The following TEP1 variants were observed in gnomAD, a reference collection of about 807,000 sequenced individuals.
TEP1 encodes the protein telomerase associated protein 1.
TEP1 carries 241 observed loss-of-function variants against 306.3 expected under a neutral mutation model. That is an observed-to-expected ratio of 0.79 (90% CI 0.71 to 0.88). The LOEUF (loss-of-function observed/expected upper bound fraction) is 0.88. TEP1 is among the 40% of genes least tolerant of loss of function. The pLI is 0.00. For synonymous variants in TEP1, 1,289 were observed against 1,305.5 expected (o/e 0.99, Z 0.27); for missense variants, 3,051 against 3,276.1 (o/e 0.93, Z 1.68).
chr14:20,372,615 A>C lies in TEP1; in HGVS notation c.7076+118T>G. On this transcript the variant is annotated intron_variant, in intron 49 of 54. Transcript: ENST00000262715. The stretch of plus-strand genomic sequence containing the variant: ...GGACAGAAGCAGAAAATAATGTCCC[A>C]CTCAGTAACTAACATCCAATTGACC... 4 of 1,454,738 alleles carry C rather than the reference A, an allele frequency of 2.7e-6. No homozygotes were observed. The South Asian group carries it at 4.9e-5, about 18-fold the overall frequency. 90.1% of individuals were successfully genotyped at this position (1,454,738 alleles called of 1,614,324 possible).
Position 20,399,720 on chromosome 14 carries a change from A to G in TEP1, c.1549+1264T>C, listed in dbSNP as rs538703678. 1.6e-4 allele frequency among the ~76,000 whole-genome samples: 24 copies of G among 151,976 alleles called. 2 individuals carry two copies. Among genetic ancestry groups the G allele is most frequent in the African/African-American group, 5.8e-4 (24 of 41,456 alleles). On this transcript the variant is annotated intron_variant, in intron 9 of 54. Transcript: ENST00000262715. Reference sequence around the variant, plus strand: ...TTTTTGTAGTATATGATTAAAAAAAAGAAACACTAGCCACCACGGGATTAG... The same window carrying G: ...TTTTTGTAGTATATGATTAAAAAAAGGAAACACTAGCCACCACGGGATTAG...
At chr14:20,372,142 C>G (rs983087412) in intron 49 of TEP1, among the ~76,000 whole-genome samples, 1 of 152,176 alleles carries the variant, frequency 6.6e-6, no homozygotes, top group Admixed American at 6.5e-5. Context: ...CTATTCAATT[C>G]CATTTCCCTT....
chr14:20,368,572 C>T lies in TEP1; in HGVS notation c.7762-13G>A. ...GGAACAGGCCCAGCTACGATGGGAA[C>T]AAAAATAGGGGAGGTCAGGGCTACA... On this transcript the variant is annotated splice_polypyrimidine_tract_variant and intron_variant, in intron 54 of 54. Coordinates refer to ENST00000262715, the MANE Select transcript of TEP1 (RefSeq NM_007110.5). 6.2e-7 allele frequency: 1 copy of T among 1,613,616 alleles called. No homozygotes were observed. Among genetic ancestry groups the T allele is most frequent in the Non-Finnish European group, 8.5e-7 (1 of 1,179,786 alleles).
At position 20,408,047 on chromosome 14, in the gene TEP1, T is replaced by C. The variant is rs138145344; in HGVS notation, c.393A>G (p.Leu131=). 4 of 1,614,108 alleles carry C rather than the reference T, an allele frequency of 2.5e-6. No individual in the cohort carries two copies. The highest frequency in any genetic ancestry group is 3.4e-6 in the Non-Finnish European group (4 of 1,180,024). The part of the protein sequence containing the change: ...TVSASPLFQS[L]QISHMTQADL... Reference sequence around the variant, plus strand: ...CAGCTTGCGTCATGTGAGATATCTGTAGACTCTGGAACAAGGGGCTGGCAG... The same window carrying C: ...CAGCTTGCGTCATGTGAGATATCTGCAGACTCTGGAACAAGGGGCTGGCAG... The change falls in exon 2 of 55, where the codon CTA becomes CTG. Residue 131 remains leucine (L), a synonymous_variant. Transcript: ENST00000262715.
chr14:20,404,398 T>C (rs1043947316), intron 5 of TEP1, among the ~76,000 whole-genome samples: 1 of 150,958 alleles, frequency 6.6e-6, no homozygotes, highest in Non-Finnish European at 1.5e-5. Context: ...ATAAGACCAT[T>C]TTTTTTTCTC....
chr14:20,378,111 A>C lies in TEP1; in HGVS notation c.5634T>G (p.Ala1878=). 1 of 1,613,878 alleles carries C rather than the reference A, an allele frequency of 6.2e-7. No individual in the cohort carries two copies. The highest frequency in any genetic ancestry group is 8.5e-7 in the Non-Finnish European group (1 of 1,180,006). The change falls in exon 39 of 55, where the codon GCT becomes GCG. Residue 1878 remains alanine (A), a synonymous_variant. Transcript: ENST00000262715. ...LWAWREGARL[A]AFPAHHGFVA... is the part of the protein sequence containing the mutation. ...CAAAGCCATGGTGGGCAGGGAAGGCAGCCAGCCGTGCCCCTTCTCGCCAGG... is the reference window on the plus strand; with the variant it reads ...CAAAGCCATGGTGGGCAGGGAAGGCCGCCAGCCGTGCCCCTTCTCGCCAGG...
intron 12 of TEP1, 41 bp from the exon 13 acceptor site, chr14:20,391,808 T>TA (rs747119691): frequency 1.2e-6 from 2 of 1,602,626 alleles, no homozygotes; most frequent in South Asian, 2.2e-5. Context: ...CTCAGGGACT[T>TA]ATCTGCCCCT....
chr14:20,387,818 T>G, intron 18 of TEP1, 87 bp downstream of exon 18: 7 of 1,486,580 alleles, frequency 4.7e-6, no homozygotes, highest in Non-Finnish European at 5.4e-6. Flanking sequence ...AAGCGGCACC[T>G]CACCAGCTAG....
intron 1 of TEP1, among the ~76,000 whole-genome samples, chr14:20,412,454 G>A (rs895065455): frequency 1.1e-4 from 17 of 152,190 alleles, no homozygotes; most frequent in South Asian, 2.1e-4. Context: ...TTAAAGTTCC[G>A]TCCCCACTTC....
rs980291394 is a variant in TEP1, at chr14:20,387,995, A to G, written c.2594T>C (p.Ile865Thr). The change falls in exon 18 of 55, where the codon ATT becomes ACT. Residue 865 changes from isoleucine to threonine, a missense_variant. Around this residue, in one of 3 missense-constraint regions of TEP1, gnomAD observed 1,507 missense variants for 1,550.5 expected, o/e 0.97. Coordinates refer to ENST00000262715, the MANE Select transcript of TEP1 (RefSeq NM_007110.5). ...CCCTGTCTTTCCTGGGGGTGGTGGA[A>G]TCTTGAATATTTTGTCCATTTGGCC... ...HVGQMDKIFK[I>T]PPPPGKTGVQ... 1.9e-6 allele frequency: 3 copies of G among 1,614,004 alleles called. No homozygotes were observed. The African/African-American group carries it at 4.0e-5, about 22-fold the overall frequency.
At position 20,378,121 on chromosome 14, in the gene TEP1, G is replaced by GC; in HGVS notation, c.5623dup (p.Ala1875GlyfsTer66). 2 of 1,613,830 alleles carry GC rather than the reference G, an allele frequency of 1.2e-6. No homozygotes were observed. The highest frequency in any genetic ancestry group is 1.7e-6 in the Non-Finnish European group (2 of 1,180,032). ...GTGGGCAGGGAAGGCAGCCAGCCGTGCCCCTTCTCGCCAGGCCCACAGCTC... is the reference window on the plus strand; with the variant it reads ...GTGGGCAGGGAAGGCAGCCAGCCGTGCCCCCTTCTCGCCAGGCCCACAGCTC... On this transcript the variant is annotated frameshift_variant, in exon 39 of 55. Transcript: ENST00000262715. LOFTEE classifies it high-confidence loss of function.
At chr14:20,389,789 C>G (rs1231227394) in intron 15 of TEP1, 49 bp from the exon 16 acceptor site, 2 of 1,607,240 alleles carry the variant, frequency 1.2e-6, no homozygotes, top group African/African-American at 2.7e-5. Context: ...GCTAGACAGC[C>G]CAGGACATTA....
chr14:20,405,417 T>G (rs749915862), intron 4 of TEP1, 34 bp downstream of exon 4: 1 of 1,594,210 alleles, frequency 6.3e-7, no homozygotes, highest in Non-Finnish European at 8.6e-7. Context: ...TCTACCAGCT[T>G]CACACCCCCA....
At chr14:20,400,892 T>A in intron 9 of TEP1, 92 bp downstream of exon 9, 1 of 1,497,966 alleles carries the variant, frequency 6.7e-7, no homozygotes, top group Non-Finnish European at 9.1e-7. Context: ...AATAACTTCA[T>A]CATTCCACAG....
At chr14:20,371,687 C>A in intron 49 of TEP1, 55 bp from the exon 50 acceptor site, 1 of 1,507,148 alleles carries the variant, frequency 6.6e-7, no homozygotes. Context: ...TAACCTTTCT[C>A]AGGCTCCTCA....
rs761271913 is a variant in TEP1 at position 20,383,911 on chromosome 14, A to G, written c.3542T>C (p.Leu1181Pro). 13 of 1,599,370 alleles carry G rather than the reference A, an allele frequency of 8.1e-6. No individual in the cohort carries two copies. The highest frequency in any genetic ancestry group is 4.0e-5 in the African/African-American group (3 of 74,772). The change falls in exon 25 of 55, where the codon CTT becomes CCT. Residue 1181 changes from leucine to proline, a missense_variant. Transcript: ENST00000262715. ...ATCAGGAGCCTGCAGGGCTGACACA[A>G]GAGATGCCTGCATGGGACAGGAACA... is the stretch of plus-strand genomic sequence containing the variant. ...GQGKTAFLAS[L>P]VSALQAPDGA... is the part of the protein sequence containing the mutation.
intron 4 of TEP1, among the ~76,000 whole-genome samples, chr14:20,405,127 C>T (rs113754762): frequency 0.022 from 3,379 of 152,292 alleles, 44 homozygotes; most frequent in Non-Finnish European, 0.033. Context: ...TATTTCCCAC[C>T]GCGCTCTTCT....
chr14:20,400,137 CAAAAAAAAAAAAAA>C lies in TEP1; in HGVS notation c.1549+833_1549+846del, dbSNP rs58121179. Among the ~76,000 whole-genome samples the C allele has an allele frequency of 3.7e-5, 3 of 80,490 alleles. 1 individual carries two copies. The highest frequency in any genetic ancestry group is 1.2e-4 in the African/African-American group (3 of 24,882). 52.8% of individuals were successfully genotyped at this position (80,490 alleles called of 152,430 possible). ...GGGCAAAAAGAGCAAAACTCCGTCT[CAAAAAAAAAAAAAA>C]AAAAAAAAAAAGAATTATCTACATA... is the stretch of plus-strand genomic sequence containing the variant. On this transcript the variant is annotated intron_variant, in intron 9 of 54. Transcript: ENST00000262715.
intron 33 of TEP1, among the ~76,000 whole-genome samples, chr14:20,380,706 T>G (rs1446231362): frequency 6.6e-6 from 1 of 152,204 alleles, no homozygotes; most frequent in Non-Finnish European, 1.5e-5. Context: ...CTAGATAGTT[T>G]TATGCTAACT....
Sources: allele counts gnomAD v4.1 joint callset (sites outside exome capture counted in the v4.1 genomes callset), GRCh38; gene constraint gnomAD v4.1.1; regional missense constraint gnomAD v4.1.1; transcripts MANE v1.5; gene names NCBI Gene and HGNC (gene_info 2026-07-23, HGNC 2026-07-21).